The following PCDHA13 variants were observed in gnomAD, a reference collection of about 807,000 sequenced individuals.
The protein encoded by PCDHA13 is protocadherin alpha 13, also known as protocadherin alpha-13.
PCDHA13 carries 54 observed loss-of-function variants against 64.8 expected under a neutral mutation model. The ratio of observed to expected loss-of-function variants is 0.83; its 90% CI spans 0.67 to 1.04. The LOEUF is 1.04. Ranked by LOEUF, PCDHA13 falls within the 50% of genes least tolerant of loss-of-function variation. The pLI is 0.00. For missense variants in PCDHA13, 1,248 were observed against 1,254.3 expected (o/e 0.99, Z 0.08); for synonymous variants, 587 against 564.4 (o/e 1.04, Z -0.57).
chr5:140,921,131 C>A (rs532456439), intron 1 of PCDHA13, among the ~76,000 whole-genome samples: 1 of 133,054 alleles, frequency 7.5e-6, no homozygotes, highest in East Asian at 2.3e-4. Flanking sequence ...CAGGTGCACA[C>A]CACTACACCC....
chr5:140,909,491 A>G (rs1031839388), intron 1 of PCDHA13, among the ~76,000 whole-genome samples: 5 of 152,218 alleles, frequency 3.3e-5, no homozygotes, highest in Non-Finnish European at 7.3e-5. Context: ...GGAGAGCTGA[A>G]CGGGGATGTG....
chr5:140,924,668 GC>G (rs2081945881), intron 1 of PCDHA13, among the ~76,000 whole-genome samples: 1 of 152,142 alleles, frequency 6.6e-6, no homozygotes, highest in Admixed American at 6.5e-5. Context: ...GCCGAGGCAG[GC>G]CAATCACTTG....
At chr5:140,901,909 C>T (rs2068974930) in intron 1 of PCDHA13, among the ~76,000 whole-genome samples, 1 of 151,454 alleles carries the variant, frequency 6.6e-6, no homozygotes, top group African/African-American at 2.4e-5. Context: ...TTGTGGAGAT[C>T]TTTCACTTCT....
At chr5:140,965,670 G>A (rs2095922284) in intron 1 of PCDHA13, among the ~76,000 whole-genome samples, 1 of 152,144 alleles carries the variant, frequency 6.6e-6, no homozygotes, top group Non-Finnish European at 1.5e-5. Flanking sequence ...GGTGATAAAT[G>A]TAAAAGATTT....
rs1554262721 is a variant in PCDHA13, at chr5:141,010,165, GA to G, written c.*230del. ...TTCTCTCCACTCTGGCTTGTTTTCA[GA>G]ACCTAAAAAGCAGACCCAAGTTTCC... On this transcript the variant is annotated 3_prime_UTR_variant, in exon 4 of 4. Coordinates refer to ENST00000289272, the MANE Select transcript of PCDHA13 (RefSeq NM_018904.3). The G allele has an allele frequency of 1.9e-6, 3 of 1,563,714 alleles. No homozygotes were observed.
Position 140,890,802 on chromosome 5 carries a change from A to G in PCDHA13, c.2394+6140A>G, listed in dbSNP as rs1401387956. On this transcript the variant is annotated intron_variant, in intron 1 of 3. Transcript: ENST00000289272. The stretch of plus-strand genomic sequence containing the variant: ...TAAGATATTAGTATTATTTTATACA[A>G]TCAACATTGTTTTAAATGTACTTAC... 5.3e-5 allele frequency among the ~76,000 whole-genome samples: 8 copies of G among 152,310 alleles called. 1 individual carries two copies. Among genetic ancestry groups the G allele is most frequent in the Admixed American group, 4.6e-4 (7 of 15,296 alleles).
intron 1 of PCDHA13, among the ~76,000 whole-genome samples, chr5:140,973,515 T>G (rs1008643152): frequency 1.4e-4 from 21 of 152,232 alleles, no homozygotes; most frequent in African/African-American, 4.8e-4. Flanking sequence ...AAAAGTTTAT[T>G]TTCTTTGGTC....
At chr5:140,967,498 T>A (rs1554229623) in intron 1 of PCDHA13, 3 of 1,613,108 alleles carry the variant, frequency 1.9e-6, no homozygotes, top group Non-Finnish European at 2.5e-6. Flanking sequence ...CACAGATCTC[T>A]GTGCGTGTCC....
chr5:140,953,101 T>C (rs1297450101), intron 1 of PCDHA13, among the ~76,000 whole-genome samples: 1 of 152,130 alleles, frequency 6.6e-6, no homozygotes, highest in Non-Finnish European at 1.5e-5. Context: ...TGACATGAGA[T>C]TTGGGCAGGG....
intron 1 of PCDHA13, among the ~76,000 whole-genome samples, chr5:140,941,983 A>G (rs2093212614): frequency 6.6e-6 from 1 of 152,198 alleles, no homozygotes; most frequent in Non-Finnish European, 1.5e-5. Context: ...CTAAACCTTG[A>G]TAAGGGATTC....
chr5:140,896,615 G>A (rs1293256212), intron 1 of PCDHA13, among the ~76,000 whole-genome samples: 4 of 151,782 alleles, frequency 2.6e-5, no homozygotes, highest in African/African-American at 9.7e-5. Context: ...GGTCTTAAGT[G>A]ATCCACCTGC....
intron 1 of PCDHA13, among the ~76,000 whole-genome samples, chr5:140,964,075 AT>A (rs1277799626): frequency 9.2e-5 from 14 of 152,324 alleles, no homozygotes; most frequent in African/African-American, 3.1e-4. Flanking sequence ...TAGTGTTAAT[AT>A]TTGTAGAAAG....
intron 1 of PCDHA13, among the ~76,000 whole-genome samples, chr5:140,893,566 C>T (rs1283289530): frequency 6.6e-6 from 1 of 152,156 alleles, no homozygotes; most frequent in African/African-American, 2.4e-5. Flanking sequence ...AGTGTACTTC[C>T]TCAGTTTTTG....
chr5:140,966,826 G>T, intron 1 of PCDHA13: 5 of 1,560,694 alleles, frequency 3.2e-6, no homozygotes, highest in Non-Finnish European at 4.3e-6. Context: ...GGCGGCCCAT[G>T]CCCTGGCTGC....
chr5:140,892,910 C>T (rs1206176408), intron 1 of PCDHA13, among the ~76,000 whole-genome samples: 1 of 152,164 alleles, frequency 6.6e-6, no homozygotes, highest in Non-Finnish European at 1.5e-5. Context: ...TCCTCCTTTT[C>T]CTTCACCCTT....
At chr5:141,003,087 G>T (rs894210434) in intron 3 of PCDHA13, among the ~76,000 whole-genome samples, 2 of 152,198 alleles carry the variant, frequency 1.3e-5, no homozygotes, top group African/African-American at 4.8e-5. Context: ...AGTTTAACAG[G>T]CCTGGCATTT....
At chr5:140,954,968 G>T (rs531304394) in intron 1 of PCDHA13, among the ~76,000 whole-genome samples, 4 of 152,200 alleles carry the variant, frequency 2.6e-5, no homozygotes, top group African/African-American at 9.6e-5. Context: ...TAAGGAAAGG[G>T]TCCAGTTTCA....
chr5:140,883,971 C>G lies in PCDHA13; in HGVS notation c.1703C>G (p.Pro568Arg). ...ENDNAPALLT[P>R]GAGSAGGTVS... is the part of the protein sequence containing the mutation. ...GACAACGCTCCGGCGCTGCTGACGCCCGGGGCTGGCAGCGCGGGAGGCACA... is the reference window on the plus strand; with the variant it reads ...GACAACGCTCCGGCGCTGCTGACGCGCGGGGCTGGCAGCGCGGGAGGCACA... Residue 568 changes from proline (P) to arginine (R), a missense_variant, in exon 1 of 4, where the codon CCC becomes CGC. Pro to Arg is a moderately radical substitution (Grantham distance 103). Transcript: ENST00000289272. 6.2e-7 allele frequency: 1 copy of G among 1,613,030 alleles called. No individual in the cohort carries two copies.
At chr5:140,931,951 G>A (rs1366094994) in intron 1 of PCDHA13, among the ~76,000 whole-genome samples, 1 of 151,826 alleles carries the variant, frequency 6.6e-6, no homozygotes, top group Non-Finnish European at 1.5e-5. Flanking sequence ...GAGTCTTACA[G>A]AATCATGTTG....
Sources: gnomAD v4.1 joint callset for allele counts (sites outside exome capture counted in the v4.1 genomes callset) on GRCh38, gnomAD v4.1.1 for gene constraint, MANE v1.5 for transcripts, NCBI Gene and HGNC (gene_info 2026-07-23, HGNC 2026-07-21) for gene names.